ARL15: variants seen among roughly 807,000 people sequenced by gnomAD.
ARL15 encodes the protein ARF like GTPase 15, also known as ADP-ribosylation factor-like protein 15.
Under a neutral mutation model 25.2 loss-of-function variants are expected in ARL15, and 19 were observed. The ratio of observed to expected loss-of-function variants is 0.75; its 90% CI spans 0.53 to 1.10. The LOEUF is 1.10. Ranked by LOEUF, ARL15 falls within the 50% of genes least tolerant of loss-of-function variation. ARL15 has a pLI of 0.00. For synonymous variants in ARL15, 94 were observed against 86.8 expected, an observed-to-expected ratio of 1.08 and a Z score of -0.46; for missense variants, 220 against 246.0, an observed-to-expected ratio of 0.89 and a Z score of 0.71.
At chr5:53,972,500 A>C (rs1390457238) in intron 4 of ARL15, among the ~76,000 whole-genome samples, 1 of 152,194 alleles carries the variant, frequency 6.6e-6, no homozygotes, top group Non-Finnish European at 1.5e-5. Context: ...TCCGGGTCTT[A>C]GTACAGATAT....
At chr5:54,137,354 C>T (rs961810431) in intron 3 of ARL15, among the ~76,000 whole-genome samples, 6 of 152,126 alleles carry the variant, frequency 3.9e-5, no homozygotes, top group African/African-American at 1.4e-4. Context: ...AGGACATGTT[C>T]CTCTGAGAGT....
At chr5:54,096,631 A>G (rs569967692) in intron 4 of ARL15, among the ~76,000 whole-genome samples, 4 of 152,224 alleles carry the variant, frequency 2.6e-5, no homozygotes, top group East Asian at 3.9e-4. Context: ...GGTTGGTCTC[A>G]AACTCCTGAC....
chr5:54,278,555 T>C (rs1757977607), intron 1 of ARL15, among the ~76,000 whole-genome samples: 1 of 152,242 alleles, frequency 6.6e-6, no homozygotes, highest in African/African-American at 2.4e-5. Context: ...GCTGTACTCA[T>C]AGGAAGTGGA....
intron 4 of ARL15, among the ~76,000 whole-genome samples, chr5:53,942,772 C>T (rs974565618): frequency 1.3e-5 from 2 of 151,860 alleles, no homozygotes; most frequent in Admixed American, 1.3e-4. Flanking sequence ...AACAAAACAA[C>T]CATGGGAAAG....
intron 4 of ARL15, among the ~76,000 whole-genome samples, chr5:54,041,062 C>A (rs528656308): frequency 6.6e-6 from 1 of 152,150 alleles, no homozygotes; most frequent in South Asian, 2.1e-4. Flanking sequence ...GTAACATACG[C>A]CTCAAAGGCT....
chr5:54,223,659 A>G (rs1756439412), intron 1 of ARL15, among the ~76,000 whole-genome samples: 1 of 152,232 alleles, frequency 6.6e-6, no homozygotes, highest in Admixed American at 6.5e-5. Context: ...TTCTCAAATC[A>G]GAGCTTTAAG....
intron 4 of ARL15, among the ~76,000 whole-genome samples, chr5:54,011,116 C>G (rs1749228787): frequency 6.6e-6 from 1 of 152,036 alleles, no homozygotes. Context: ...GGAAAAAGCC[C>G]TCCGTGAGCA....
At chr5:54,019,582 C>T (rs1749531349) in intron 4 of ARL15, among the ~76,000 whole-genome samples, 1 of 152,192 alleles carries the variant, frequency 6.6e-6, no homozygotes, top group South Asian at 2.1e-4. Flanking sequence ...ATCTCAATCT[C>T]TGAATGTATT....
chr5:54,102,258 C>A (rs746665722), intron 4 of ARL15, among the ~76,000 whole-genome samples: 1 of 152,032 alleles, frequency 6.6e-6, no homozygotes, highest in Non-Finnish European at 1.5e-5. Context: ...GTGATCCACC[C>A]GCCTTGGCCT....
At chr5:54,046,287 C>T (rs1445821690) in intron 4 of ARL15, among the ~76,000 whole-genome samples, 1 of 152,104 alleles carries the variant, frequency 6.6e-6, no homozygotes, top group Non-Finnish European at 1.5e-5. Flanking sequence ...TTGAGACCAG[C>T]CTGGCCAACA....
At chr5:54,002,739 A>G (rs959636998) in intron 4 of ARL15, among the ~76,000 whole-genome samples, 3 of 152,234 alleles carry the variant, frequency 2.0e-5, no homozygotes, top group African/African-American at 7.2e-5. Flanking sequence ...ACAGATGCAT[A>G]TATTTGCAAA....
intron 2 of ARL15, among the ~76,000 whole-genome samples, chr5:54,162,706 T>C (rs1754443079): frequency 6.6e-6 from 1 of 152,270 alleles, no homozygotes; most frequent in African/African-American, 2.4e-5. Flanking sequence ...TTAAAACTAA[T>C]AGCCAGAGCT....
intron 1 of ARL15, among the ~76,000 whole-genome samples, chr5:54,186,034 T>A (rs2112444432): frequency 1.3e-5 from 2 of 152,284 alleles, no homozygotes; most frequent in South Asian, 4.1e-4. Flanking sequence ...GTTGGATTAT[T>A]TTCTTCCCCT....
intron 4 of ARL15, among the ~76,000 whole-genome samples, chr5:54,018,945 T>C (rs563677149): frequency 2.0e-5 from 3 of 152,352 alleles, no homozygotes; most frequent in Admixed American, 6.5e-5. Context: ...CAATTTAAGA[T>C]AATGCATGTA....
chr5:54,032,348 C>G (rs1750019483), intron 4 of ARL15, among the ~76,000 whole-genome samples: 1 of 152,006 alleles, frequency 6.6e-6, no homozygotes. Flanking sequence ...ATTCTCCTAC[C>G]TTAACCTCCC....
chr5:54,124,678 C>T (rs1258200947), intron 3 of ARL15, among the ~76,000 whole-genome samples: 1 of 152,050 alleles, frequency 6.6e-6, no homozygotes, highest in African/African-American at 2.4e-5. Context: ...TTAGAATGAC[C>T]CATATTTTGT....
At chr5:54,184,111 AG>A (rs1416295200) in intron 1 of ARL15, among the ~76,000 whole-genome samples, 1 of 36,542 alleles carries the variant, frequency 2.7e-5, no homozygotes, top group African/African-American at 1.2e-4. Context: ...GGGTGGGGGG[AG>A]GGGGGAGGGA....
chr5:53,940,338 C>G (rs904517594), intron 4 of ARL15, among the ~76,000 whole-genome samples: 3 of 152,032 alleles, frequency 2.0e-5, no homozygotes, highest in Admixed American at 6.5e-5. Flanking sequence ...AGGCATGTAG[C>G]AAATTTGTAT....
intron 1 of ARL15, among the ~76,000 whole-genome samples, chr5:54,271,518 C>T (rs545401874): frequency 2.0e-5 from 3 of 152,290 alleles, no homozygotes; most frequent in East Asian, 3.9e-4. Context: ...GGAAAAATAT[C>T]TATACATGTT....
Sources: gnomAD v4.1 joint callset for allele counts (sites outside exome capture counted in the v4.1 genomes callset) on GRCh38, gnomAD v4.1.1 for gene constraint, MANE v1.5 for transcripts, NCBI Gene and HGNC (gene_info 2026-07-23, HGNC 2026-07-21) for gene names.